The following MYO18A variants were observed in gnomAD, a reference collection of about 807,000 sequenced individuals.
The protein encoded by MYO18A is unconventional myosin-XVIIIa.
MYO18A carries 78 observed loss-of-function variants against 235.8 expected under a neutral mutation model. That is an observed-to-expected ratio of 0.33 (90% CI 0.28 to 0.40). The LOEUF (loss-of-function observed/expected upper bound fraction) is 0.40. Among genes scored for constraint, MYO18A ranks in the 10% least tolerant of loss-of-function variants. The pLI is 1.00. For synonymous variants in MYO18A, 977 were observed against 1,077.8 expected (o/e 0.91, Z 1.83); for missense variants, 2,215 against 2,699.3 (o/e 0.82, Z 3.98).
At chr17:29,147,236 G>A (rs538418812) in intron 2 of MYO18A, among the ~76,000 whole-genome samples, 33 of 152,338 alleles carry the variant, frequency 2.2e-4, no homozygotes, top group Admixed American at 4.6e-4. Context: ...TGCTGAGCAG[G>A]TCAGGCATGG....
In MYO18A at chr17:29,126,084, A is replaced by G; in HGVS notation, c.1000-3831T>C. The G allele has an allele frequency of 2.9e-6, 1 of 346,970 alleles. No homozygotes were observed. Among genetic ancestry groups the G allele is most frequent in the Non-Finnish European group, 4.1e-6 (1 of 245,594 alleles). 21.5% of individuals were successfully genotyped at this position (346,970 alleles called of 1,614,324 possible). On this transcript the variant is annotated intron_variant, in intron 2 of 41. Coordinates refer to ENST00000527372, the MANE Select transcript of MYO18A (RefSeq NM_078471.4). This position sits in a 1 kb window ranked among gnomAD's most constrained non-coding sequence, Gnocchi z 4.1. ...GGGAAGGGGAGCAGCGCCAGGGAGC[A>G]AGCCGCGCGGCAATCTGAGTTTTTA...
rs756805582 is a variant in MYO18A at position 29,120,679 on chromosome 17, G to A, written c.1665C>T (p.Arg555=). ...SPTIINGNAT[R]FSQILSLDFD... Reference sequence around the variant, plus strand: ...AGTCCAGGGAGAGGATCTGGGAGAAGCGGGTGGCATTGCCATTAATGATGG... The same window carrying A: ...AGTCCAGGGAGAGGATCTGGGAGAAACGGGTGGCATTGCCATTAATGATGG... The change falls in exon 7 of 42, where the codon CGC becomes CGT. Residue 555 remains arginine, a synonymous_variant. Coordinates refer to ENST00000527372, the MANE Select transcript of MYO18A (RefSeq NM_078471.4). The surrounding 1 kb of genome is among the most constrained non-coding windows in gnomAD (Gnocchi z 4.2). 14 of 1,613,884 alleles carry A rather than the reference G, an allele frequency of 8.7e-6. No individual in the cohort carries two copies. In the African/African-American group the frequency reaches 1.9e-4, roughly 22 times the overall value.
intron 20 of MYO18A, among the ~76,000 whole-genome samples, chr17:29,105,537 G>A (rs1453577503): frequency 6.6e-6 from 1 of 152,200 alleles, no homozygotes; most frequent in Non-Finnish European, 1.5e-5. Context: ...TCAAGGGACT[G>A]GATGAGAGGG....
intron 2 of MYO18A, chr17:29,133,903 G>C: frequency 1.6e-6 from 2 of 1,279,080 alleles, no homozygotes; most frequent in Non-Finnish European, 2.0e-6. Flanking sequence ...CAGTGTCTCT[G>C]AGTCTTCCCA....
At chr17:29,119,255 C>G in intron 8 of MYO18A, 80 bp downstream of exon 8, 1 of 1,067,742 alleles carries the variant, frequency 9.4e-7, no homozygotes. Context: ...GGCTTTAATT[C>G]TGGATGCAAT....
At chr17:29,153,723 C>T (rs1489738051) in intron 2 of MYO18A, among the ~76,000 whole-genome samples, 1 of 152,212 alleles carries the variant, frequency 6.6e-6, no homozygotes, top group Non-Finnish European at 1.5e-5. Context: ...AAAGCAGTTC[C>T]TGCAGCCAAA....
chr17:29,073,663 G>A lies in MYO18A; in HGVS notation c.*1107C>T, dbSNP rs949777069. The A allele has an allele frequency of 7.9e-5, 48 of 610,486 alleles. No homozygotes were observed. The highest frequency in any genetic ancestry group is 2.4e-4 in the Admixed American group (8 of 33,810). 37.8% of individuals were successfully genotyped at this position (610,486 alleles called of 1,614,324 possible). A position where few individuals can be genotyped will look rare whatever the true frequency, so the allele number is the denominator to read the frequency against. On this transcript the variant is annotated 3_prime_UTR_variant, in exon 42 of 42. Coordinates refer to ENST00000527372, the MANE Select transcript of MYO18A (RefSeq NM_078471.4). ...CTGCACTTGGGCTCCCAAGTCTGGT[G>A]GAGTTCTCAGGGATAACCTTTTTAG...
chr17:29,124,734 A>G, intron 2 of MYO18A: 1 of 1,258,326 alleles, frequency 7.9e-7, no homozygotes, highest in South Asian at 1.3e-5. Flanking sequence ...GGGTGAAGAT[A>G]AGCAGACCAC....
At chr17:29,133,999 G>A (rs2152905382) in intron 2 of MYO18A, 2 of 425,186 alleles carry the variant, frequency 4.7e-6, no homozygotes, top group South Asian at 4.0e-5. Flanking sequence ...CAAAACTCAA[G>A]AGGGCATTGG....
intron 15 of MYO18A, among the ~76,000 whole-genome samples, chr17:29,112,445 G>A (rs571896864): frequency 2.3e-4 from 35 of 152,362 alleles, no homozygotes; most frequent in African/African-American, 8.4e-4. Flanking sequence ...AACGGGTAGA[G>A]GCTGGGGCAA....
At chr17:29,146,218 A>C (rs1020677786) in intron 2 of MYO18A, among the ~76,000 whole-genome samples, 22 of 152,196 alleles carry the variant, frequency 1.4e-4, no homozygotes, top group Non-Finnish European at 1.3e-4. Flanking sequence ...AGATCACGCC[A>C]CTGCACTCCA....
At chr17:29,133,758 G>A (rs1168250698) in intron 2 of MYO18A, 6 of 1,276,338 alleles carry the variant, frequency 4.7e-6, no homozygotes, top group Non-Finnish European at 6.1e-6. Flanking sequence ...AACATGCCAA[G>A]CACACAGGAA....
intron 40 of MYO18A, among the ~76,000 whole-genome samples, chr17:29,083,772 T>C (rs1157021826): frequency 6.6e-6 from 1 of 152,078 alleles, no homozygotes; most frequent in Admixed American, 6.5e-5. Context: ...CTGTGGTGCA[T>C]GGGCCCCATG....
intron 1 of MYO18A, among the ~76,000 whole-genome samples, chr17:29,175,636 T>C (rs990271558): frequency 5.3e-5 from 8 of 151,928 alleles, no homozygotes; most frequent in African/African-American, 1.9e-4. Flanking sequence ...AGTCCTGGGA[T>C]TACAGGTGTG....
intron 2 of MYO18A, among the ~76,000 whole-genome samples, chr17:29,139,643 G>T (rs542454903): frequency 6.6e-6 from 1 of 152,270 alleles, no homozygotes; most frequent in South Asian, 2.1e-4. Flanking sequence ...CAGGGGAACG[G>T]GAAGGACTGG....
intron 41 of MYO18A, chr17:29,075,901 C>G (rs2065963545): frequency 6.5e-6 from 1 of 153,548 alleles, no homozygotes; most frequent in African/African-American, 2.4e-5. Flanking sequence ...GCAGCCCTGC[C>G]TCCAGATCCT....
chr17:29,090,688 C>T (rs2066376429), intron 35 of MYO18A, 73 bp from the exon 36 acceptor site: 7 of 1,547,052 alleles, frequency 4.5e-6, no homozygotes, highest in Middle Eastern at 1.7e-4. Context: ...AGCTGGAACA[C>T]CAGGGGACCG....
chr17:29,179,124 C>T (rs2068593725), intron 1 of MYO18A, among the ~76,000 whole-genome samples: 1 of 152,170 alleles, frequency 6.6e-6, no homozygotes, highest in African/African-American at 2.4e-5. Context: ...AGGACAGTCC[C>T]TCTCAGGAAG....
At position 29,072,819 on chromosome 17, in the gene MYO18A, T is replaced by C. The variant is rs1353662650; in HGVS notation, c.*1951A>G. On this transcript the variant is annotated 3_prime_UTR_variant, in exon 42 of 42. Coordinates refer to ENST00000527372, the MANE Select transcript of MYO18A (RefSeq NM_078471.4). ...CACTACAGAATGAGAAGGTAGAAGG[T>C]AGAAGAGGAGGAGGGGTGTCATTTG... 6.6e-6 allele frequency: 1 copy of C among 152,154 alleles called. No homozygotes were observed. The highest frequency in any genetic ancestry group is 2.4e-5 in the African/African-American group (1 of 41,418). The allele number at this position is 152,154 out of a possible 1,614,324, so 9.4% of individuals were successfully genotyped here. A position where few individuals can be genotyped will look rare whatever the true frequency, so the allele number is the denominator to read the frequency against.
Sources: gnomAD v4.1 joint callset for allele counts (sites outside exome capture counted in the v4.1 genomes callset) on GRCh38, gnomAD v4.1.1 for gene constraint, Gnocchi (gnomAD v3.1) non-coding constraint, MANE v1.5 for transcripts, NCBI Gene and HGNC (gene_info 2026-07-23, HGNC 2026-07-21) for gene names.